The following DRD3 variants were observed in gnomAD, a reference collection of about 807,000 sequenced individuals.
DRD3 encodes the protein D(3) dopamine receptor.
A neutral mutation model predicts 36.3 loss-of-function variants in DRD3; 19 were observed. The ratio of observed to expected loss-of-function variants is 0.52; its 90% CI spans 0.36 to 0.77. DRD3 has a LOEUF of 0.77. Ranked by LOEUF, DRD3 falls within the 30% of genes least tolerant of loss-of-function variation. The pLI, the probability that DRD3 is intolerant of heterozygous loss-of-function variation, is 0.00. For missense variants in DRD3, 465 were observed against 505.3 expected (o/e 0.92, Z 0.77); for synonymous variants, 195 against 203.7 (o/e 0.96, Z 0.36).
At chr3:114,176,168 C>G (rs1312761529) in intron 1 of DRD3, 1 of 152,192 alleles carries the variant, frequency 6.6e-6, no homozygotes, top group Non-Finnish European at 1.5e-5. Context: ...TTAAGACTTA[C>G]AGAGTTTTAA....
At chr3:114,137,997 C>A (rs74675586) in intron 5 of DRD3, among the ~76,000 whole-genome samples, 430 of 61,956 alleles carry the variant, frequency 6.9e-3, no homozygotes, top group South Asian at 0.013. Flanking sequence ...GACTCCGTCT[C>A]AAAAAAAAAA....
intron 3 of DRD3, among the ~76,000 whole-genome samples, chr3:114,155,609 C>G (rs2077659330): frequency 6.6e-6 from 1 of 152,046 alleles, no homozygotes; most frequent in African/African-American, 2.4e-5. Flanking sequence ...AGAAAAGCAC[C>G]CTCTTCTGGC....
intron 1 of DRD3, among the ~76,000 whole-genome samples, chr3:114,190,462 ATTTTTTTTTTTTTTTTTT>A (rs55938654): frequency 2.0e-3 from 16 of 8,058 alleles, no homozygotes; most frequent in African/African-American, 2.6e-3. Flanking sequence ...ATATATATAT[ATTTTTTTTTTTTTTTTTT>A]TTTTTTTTTT....
chr3:114,147,236 G>A (rs146358111), intron 4 of DRD3, among the ~76,000 whole-genome samples, 179 bp downstream of exon 4: 1 of 152,064 alleles, frequency 6.6e-6, no homozygotes, highest in Non-Finnish European at 1.5e-5. Context: ...ATGAGGTTTT[G>A]CTTTATATTT....
chr3:114,160,941 C>T (rs1413633549), intron 2 of DRD3, among the ~76,000 whole-genome samples: 2 of 152,116 alleles, frequency 1.3e-5, no homozygotes, highest in Non-Finnish European at 2.9e-5. Flanking sequence ...TGCTTACAGT[C>T]AGGAATTTAT....
chr3:114,131,496 C>T (rs528105486), intron 5 of DRD3, 96 bp from the exon 6 acceptor site: 11 of 1,469,604 alleles, frequency 7.5e-6, no homozygotes, highest in Middle Eastern at 2.5e-4. Context: ...AGAAGGAAGA[C>T]GGCAACACAG....
At chr3:114,190,459 TATA>T (rs1156271325) in intron 1 of DRD3, among the ~76,000 whole-genome samples, 11 of 8,758 alleles carry the variant, frequency 1.3e-3, no homozygotes, top group Admixed American at 1.9e-3. Flanking sequence ...TATATATATA[TATA>T]TTTTTTTTTT....
chr3:114,128,597 T>A lies in DRD3; in HGVS notation c.*119A>T. The A allele has an allele frequency of 9.7e-7, 1 of 1,034,876 alleles. No homozygotes were observed. The highest frequency in any genetic ancestry group is 1.4e-6 in the Non-Finnish European group (1 of 738,672). The allele number at this position is 1,034,876 out of a possible 1,614,324, so 64.1% of individuals were successfully genotyped here. On this transcript the variant is annotated 3_prime_UTR_variant, in exon 7 of 7. Coordinates refer to ENST00000383673, the MANE Select transcript of DRD3 (RefSeq NM_000796.6). The stretch of plus-strand genomic sequence containing the variant: ...TGGTTATACCTGACAAGCAGGGACA[T>A]CCTGGCTCCAGGAATCTTCTTCCTA...
upstream of DRD3, among the ~76,000 whole-genome samples, chr3:114,183,439 A>T (rs1431465069): frequency 6.6e-6 from 1 of 152,104 alleles, no homozygotes; most frequent in Non-Finnish European, 1.5e-5. Context: ...TTTTAGGTCT[A>T]GTGGGTTTAT....
chr3:114,137,730 G>A lies in DRD3; in HGVS notation c.723+1770C>T, dbSNP rs547064080. ...GATGTGGCCGGGCGCGGTGGCTCAC[G>A]CTTGTAATCCCAGCACTTTGGGAGG... On this transcript the variant is annotated intron_variant, in intron 5 of 6. Coordinates refer to ENST00000383673, the MANE Select transcript of DRD3 (RefSeq NM_000796.6). Among the ~76,000 whole-genome samples, 126 of 151,902 alleles carry A rather than the reference G, an allele frequency of 8.3e-4. 1 individual carries two copies. The highest frequency in any genetic ancestry group is 1.6e-3 in the Admixed American group (24 of 15,250).
chr3:114,130,831 CCAGA>C (rs1478544941), intron 6 of DRD3, among the ~76,000 whole-genome samples: 1 of 152,030 alleles, frequency 6.6e-6, no homozygotes, highest in Non-Finnish European at 1.5e-5. Context: ...CCAATATGTA[CCAGA>C]CAGTTTTATT....
At position 114,159,739 on chromosome 3, in the gene DRD3, G is replaced by A. The variant is rs201831382; in HGVS notation, c.383+16C>T. 1.9e-5 allele frequency: 30 copies of A among 1,610,892 alleles called. No individual in the cohort carries two copies. Among genetic ancestry groups the A allele is most frequent in the Non-Finnish European group, 2.5e-5 (30 of 1,177,706 alleles). The stretch of plus-strand genomic sequence containing the variant: ...CCCAGCTTTTGGGCCACCTGGAAGG[G>A]GAATTGCAGCCCTACCTGTCTATGC... On this transcript the variant is annotated intron_variant, in intron 3 of 6. Coordinates refer to ENST00000383673, the MANE Select transcript of DRD3 (RefSeq NM_000796.6).
At chr3:114,165,769 A>T (rs368713579) in intron 2 of DRD3, among the ~76,000 whole-genome samples, 22 of 152,240 alleles carry the variant, frequency 1.4e-4, no homozygotes, top group Middle Eastern at 3.4e-3. Flanking sequence ...GGGGCAAAAC[A>T]GAATAATAAA....
chr3:114,154,264 GA>G (rs1291507181), intron 3 of DRD3, among the ~76,000 whole-genome samples: 54 of 152,284 alleles, frequency 3.5e-4, no homozygotes, highest in Middle Eastern at 3.4e-3. Context: ...GTCACTTACT[GA>G]AGGTCTCAGT....
intron 1 of DRD3, among the ~76,000 whole-genome samples, chr3:114,195,506 T>G (rs988101045): frequency 6.6e-6 from 1 of 152,220 alleles, no homozygotes; most frequent in African/African-American, 2.4e-5. Context: ...TATTCACAAT[T>G]TAGCTAAGCA....
intron 4 of DRD3, among the ~76,000 whole-genome samples, chr3:114,140,430 A>G (rs1348900414): frequency 6.6e-6 from 1 of 152,212 alleles, no homozygotes; most frequent in African/African-American, 2.4e-5. Flanking sequence ...TCTTCATAGC[A>G]GATGCTGAGA....
At chr3:114,193,174 G>T (rs1345026366) in intron 1 of DRD3, among the ~76,000 whole-genome samples, 1 of 152,158 alleles carries the variant, frequency 6.6e-6, no homozygotes, top group Non-Finnish European at 1.5e-5. Flanking sequence ...AGCTACTTGG[G>T]AGGCTGAGGC....
intron 1 of DRD3, among the ~76,000 whole-genome samples, chr3:114,186,392 G>T (rs1209693023): frequency 2.0e-5 from 3 of 152,158 alleles, no homozygotes; most frequent in Non-Finnish European, 4.4e-5. Flanking sequence ...CTCCCAAAGT[G>T]TTGGGATTAC....
At chr3:114,186,509 C>G (rs1233209474) in intron 1 of DRD3, among the ~76,000 whole-genome samples, 1 of 152,192 alleles carries the variant, frequency 6.6e-6, no homozygotes, top group Admixed American at 6.5e-5. Flanking sequence ...GTAGCATACT[C>G]CTTTGTCTGA....
Sources: allele counts gnomAD v4.1 joint callset (sites outside exome capture counted in the v4.1 genomes callset), GRCh38; gene constraint gnomAD v4.1.1; transcripts MANE v1.5; gene names NCBI Gene and HGNC (gene_info 2026-07-23, HGNC 2026-07-21).